TNN: variants seen among roughly 807,000 people sequenced by gnomAD.
TNN encodes the protein tenascin-N.
A neutral mutation model predicts 134.4 loss-of-function variants in TNN; 122 were observed. The ratio of observed to expected loss-of-function variants is 0.91; its 90% CI spans 0.78 to 1.06. The LOEUF (loss-of-function observed/expected upper bound fraction) is 1.06, where lower values mean the gene tolerates loss of function less well. TNN is among the 50% of genes least tolerant of loss of function. TNN has a pLI of 0.00. For missense variants in TNN, 1,739 were observed against 1,699.4 expected, an observed-to-expected ratio of 1.02 and a Z score of -0.41; for synonymous variants, 710 against 670.3, an observed-to-expected ratio of 1.06 and a Z score of -0.91.
chr1:175,128,058 G>A lies in TNN; in HGVS notation c.3072G>A (p.Gln1024=). The A allele has an allele frequency of 3.1e-6, 5 of 1,614,188 alleles. No individual in the cohort carries two copies. Among genetic ancestry groups the A allele is most frequent in the Non-Finnish European group, 4.2e-6 (5 of 1,180,028 alleles). ...AGATGCAGCTGGGACGGGAAGACCA[G>A]AGGTTTGCGTTGCAAGGCCTTGAGC... The part of the protein sequence containing the change: ...VKEMQLGRED[Q]RFALQGLEQG... The change falls in exon 14 of 19, where the codon CAG becomes CAA. Residue 1024 remains glutamine (Q), a synonymous_variant. Coordinates refer to ENST00000239462, the MANE Select transcript of TNN (RefSeq NM_022093.2).
At chr1:175,123,256 G>T in intron 11 of TNN, 144 bp from the exon 12 acceptor site, 1 of 932,868 alleles carries the variant, frequency 1.1e-6, no homozygotes. Context: ...TGGAAATGGA[G>T]ACCAGGGGCC....
intron 15 of TNN, among the ~76,000 whole-genome samples, chr1:175,134,485 C>T (rs1369770637): frequency 1.3e-5 from 2 of 150,928 alleles, no homozygotes; most frequent in African/African-American, 2.4e-5. Context: ...GCGGAGGTTG[C>T]AGTAAGCCAA....
intron 2 of TNN, among the ~76,000 whole-genome samples, chr1:175,078,336 A>G (rs937871542): frequency 1.3e-5 from 2 of 152,244 alleles, no homozygotes; most frequent in Non-Finnish European, 2.9e-5. Context: ...TGGCCCTTAG[A>G]GGAATTTACA....
chr1:175,131,224 G>A (rs975032888), intron 15 of TNN, among the ~76,000 whole-genome samples: 2 of 152,192 alleles, frequency 1.3e-5, no homozygotes, highest in Non-Finnish European at 2.9e-5. Context: ...TGGGAGGCTG[G>A]AAAGAACATC....
chr1:175,098,622 C>T (rs775398442), intron 9 of TNN, 27 bp downstream of exon 9: 76 of 1,613,360 alleles, frequency 4.7e-5, no homozygotes, highest in Admixed American at 2.5e-4. Flanking sequence ...ATTGCTGTGC[C>T]GATGCCATGC....
Position 175,113,038 on chromosome 1 carries a change from C to T in TNN, c.2120-3901C>T, listed in dbSNP as rs147981237. The stretch of plus-strand genomic sequence containing the variant: ...TTGTTTTCTAGATTATTTTGTATAT[C>T]CTTTGTTAATTTCTTCTTCTATTAT... On this transcript the variant is annotated intron_variant, in intron 9 of 18. Transcript: ENST00000239462. Among the ~76,000 whole-genome samples the T allele has an allele frequency of 9.5e-3, 1,452 of 152,184 alleles. 11 individuals are homozygous for T. The highest frequency in any genetic ancestry group is 0.015 in the Non-Finnish European group (988 of 67,990).
At chr1:175,121,464 G>A (rs1412942468) in intron 11 of TNN, among the ~76,000 whole-genome samples, 1 of 152,186 alleles carries the variant, frequency 6.6e-6, no homozygotes, top group Admixed American at 6.5e-5. Flanking sequence ...GTACTTAGAG[G>A]ACAAAATGGG....
chr1:175,073,694 G>C (rs911064554), intron 1 of TNN, among the ~76,000 whole-genome samples: 1 of 152,214 alleles, frequency 6.6e-6, no homozygotes, highest in African/African-American at 2.4e-5. Context: ...CTGGGGCGAG[G>C]TGAGGGTTAG....
intron 7 of TNN, among the ~76,000 whole-genome samples, chr1:175,095,810 G>A (rs545655268): frequency 4.3e-4 from 66 of 152,306 alleles, no homozygotes; most frequent in African/African-American, 1.5e-3. Context: ...CTGAGCTCAA[G>A]CAATCCACCC....
chr1:175,080,914 A>G (rs1262496766), intron 4 of TNN, among the ~76,000 whole-genome samples: 2 of 152,246 alleles, frequency 1.3e-5, no homozygotes, highest in Non-Finnish European at 2.9e-5. Flanking sequence ...TGACACACTA[A>G]GACCTGCATC....
chr1:175,120,580 G>A (rs1351614005), intron 11 of TNN, among the ~76,000 whole-genome samples: 2 of 152,174 alleles, frequency 1.3e-5, no homozygotes, highest in Non-Finnish European at 2.9e-5. Context: ...CTGCATTGTA[G>A]CCAGTGGGAA....
At chr1:175,143,160 C>A (rs533227796) in intron 17 of TNN, among the ~76,000 whole-genome samples, 6 of 152,200 alleles carry the variant, frequency 3.9e-5, no homozygotes, top group Non-Finnish European at 8.8e-5. Context: ...TAGAGTCTAA[C>A]CTTTTTGAAT....
intron 15 of TNN, among the ~76,000 whole-genome samples, chr1:175,132,151 A>G (rs1236547911): frequency 1.3e-5 from 2 of 152,162 alleles, no homozygotes; most frequent in Non-Finnish European, 2.9e-5. Flanking sequence ...TGTCCTTGGT[A>G]CAACAAGAGT....
intron 9 of TNN, among the ~76,000 whole-genome samples, chr1:175,102,946 G>A (rs1351056660): frequency 6.8e-6 from 1 of 146,294 alleles, no homozygotes; most frequent in African/African-American, 2.5e-5. Flanking sequence ...GCTGGATGGG[G>A]CAAAGAAGGG....
chr1:175,118,834 G>A lies in TNN; in HGVS notation c.2650+10G>A, dbSNP rs1418943449. 1 of 1,613,818 alleles carries A rather than the reference G, an allele frequency of 6.2e-7. No individual in the cohort carries two copies. The highest frequency in any genetic ancestry group is 8.5e-7 in the Non-Finnish European group (1 of 1,179,904). Reference sequence around the variant, plus strand: ...ACCAAGGCCCAGACAGGTAATAGAAGTGAAGAGAAGAGCAAACCCGGGTAG... The same window carrying A: ...ACCAAGGCCCAGACAGGTAATAGAAATGAAGAGAAGAGCAAACCCGGGTAG... On this transcript the variant is annotated intron_variant, in intron 11 of 18. Transcript: ENST00000239462.
At chr1:175,128,304 T>C in intron 14 of TNN, 140 bp downstream of exon 14, 1 of 885,200 alleles carries the variant, frequency 1.1e-6, no homozygotes, top group South Asian at 1.8e-5. Flanking sequence ...TGGGGTTGTG[T>C]GTTCAAAAGA....
At chr1:175,076,072 T>C (rs947294620) in intron 1 of TNN, among the ~76,000 whole-genome samples, 1 of 152,204 alleles carries the variant, frequency 6.6e-6, no homozygotes, top group South Asian at 2.1e-4. Context: ...CTGAGGTTCC[T>C]GTGAGCAAAA....
At chr1:175,073,747 G>T (rs538115429) in intron 1 of TNN, among the ~76,000 whole-genome samples, 1 of 152,304 alleles carries the variant, frequency 6.6e-6, no homozygotes, top group East Asian at 1.9e-4. Context: ...GGGCTGTTGT[G>T]GTTCCCTCTG....
In TNN at chr1:175,098,440, C is replaced by T. The variant is rs1332144028; in HGVS notation, c.1964C>T (p.Thr655Ile). Reference sequence around the variant, plus strand: ...ATTGACAAGTACGTGGTGCGCTACACCTCTGCTGGTGGAGAGACCAGGGAG... The same window carrying T: ...ATTGACAAGTACGTGGTGCGCTACATCTCTGCTGGTGGAGAGACCAGGGAG... ...AAIDKYVVRY[T>I]SAGGETREVP... Residue 655 changes from threonine to isoleucine, a missense_variant, in exon 9 of 19, where the codon ACC becomes ATC. By Grantham distance (89) the Thr-to-Ile change is moderately conservative. Transcript: ENST00000239462. 1.2e-6 allele frequency: 2 copies of T among 1,614,198 alleles called. No individual in the cohort carries two copies. Among genetic ancestry groups the T allele is most frequent in the Non-Finnish European group, 1.7e-6 (2 of 1,180,036 alleles).
Sources: allele counts gnomAD v4.1 joint callset (sites outside exome capture counted in the v4.1 genomes callset), GRCh38; gene constraint gnomAD v4.1.1; transcripts MANE v1.5; gene names NCBI Gene and HGNC (gene_info 2026-07-23, HGNC 2026-07-21).